The following ADGRG6 variants were observed in gnomAD, a reference collection of about 807,000 sequenced individuals.
ADGRG6 encodes adhesion G protein-coupled receptor G6.
A neutral mutation model predicts 142.4 loss-of-function variants in ADGRG6; 84 were observed. The ratio of observed to expected loss-of-function variants is 0.59; its 90% CI spans 0.49 to 0.71. ADGRG6 has a LOEUF of 0.71. Ranked by LOEUF, ADGRG6 falls within the 30% of genes least tolerant of loss-of-function variation. The probability of loss-of-function intolerance (pLI) is 0.00; values close to 1 mark genes in which losing one functional copy is unlikely to be tolerated. For missense variants in ADGRG6, 1,367 were observed against 1,466.6 expected (o/e 0.93, Z 1.11); for synonymous variants, 521 against 520.5 (o/e 1.00, Z -0.01).
chr6:142,377,839 T>G (rs114932757), intron 4 of ADGRG6, among the ~76,000 whole-genome samples: 1,753 of 152,326 alleles, frequency 0.012, 39 homozygotes, highest in African/African-American at 0.04. Flanking sequence ...TTTATTTTGG[T>G]GTGTTTGTAA....
At chr6:142,313,887 TA>T (rs577653756) in intron 2 of ADGRG6, among the ~76,000 whole-genome samples, 21 of 151,732 alleles carry the variant, frequency 1.4e-4, no homozygotes, top group Non-Finnish European at 2.4e-4. Context: ...GTCCCCTTTT[TA>T]AAAAAAAATT....
chr6:142,315,980 A>C (rs1037250826), intron 2 of ADGRG6, among the ~76,000 whole-genome samples: 7 of 152,116 alleles, frequency 4.6e-5, no homozygotes, highest in African/African-American at 1.7e-4. Flanking sequence ...CCAGTGGGGA[A>C]TATGTGGCCA....
chr6:142,426,431 C>T (rs1048207226), intron 22 of ADGRG6, among the ~76,000 whole-genome samples: 8 of 152,348 alleles, frequency 5.3e-5, no homozygotes, highest in Middle Eastern at 3.4e-3. Context: ...CTGGGTCACA[C>T]TGATGCAAGA....
intron 2 of ADGRG6, among the ~76,000 whole-genome samples, chr6:142,357,824 C>T (rs1440235418): frequency 6.6e-6 from 1 of 152,248 alleles, no homozygotes; most frequent in East Asian, 1.9e-4. Flanking sequence ...TATGTAAAGA[C>T]ATCTAAAAGA....
chr6:142,425,119 A>G (rs143308290), intron 22 of ADGRG6, among the ~76,000 whole-genome samples: 5 of 152,346 alleles, frequency 3.3e-5, no homozygotes, highest in Admixed American at 1.3e-4. Context: ...GGCAAGGACT[A>G]GACCAGAAGG....
chr6:142,347,014 T>G (rs1242301902), intron 2 of ADGRG6, among the ~76,000 whole-genome samples: 1 of 152,086 alleles, frequency 6.6e-6, no homozygotes, highest in African/African-American at 2.4e-5. Context: ...TCCCAGAACT[T>G]TATATGTTTT....
In ADGRG6 at chr6:142,370,579, T is replaced by A. The variant is rs1233309410; in HGVS notation, c.855T>A (p.Ile285=). 2 of 1,612,456 alleles carry A rather than the reference T, an allele frequency of 1.2e-6. No individual in the cohort carries two copies. The highest frequency in any genetic ancestry group is 3.3e-5 in the Admixed American group (2 of 59,984). The change falls in exon 4 of 25, where the codon ATT becomes ATA. Residue 285 remains isoleucine, a synonymous_variant. Coordinates refer to ENST00000367609, the MANE Select transcript of ADGRG6 (RefSeq NM_198569.3). ...GTGATTCTACCATTAGTAAAGTTAT[T>A]CCTGGGAATGGGAAATTGTTGTTGG... is the stretch of plus-strand genomic sequence containing the variant. ...VPCDSTISKV[I]PGNGKLLLGS...
chr6:142,385,996 T>G (rs6937121), intron 6 of ADGRG6, among the ~76,000 whole-genome samples: 69,876 of 152,008 alleles, frequency 0.46, 20,538 homozygotes, highest in African/African-American at 0.84. Context: ...AATTTGTCCA[T>G]TCCTTTTAAC....
At chr6:142,385,600 G>C (rs1411041652) in intron 6 of ADGRG6, among the ~76,000 whole-genome samples, 1 of 152,090 alleles carries the variant, frequency 6.6e-6, no homozygotes, top group African/African-American at 2.4e-5. Flanking sequence ...TTATAACACA[G>C]TTGTAAAAAG....
rs571688891 is a variant in ADGRG6 at position 142,341,414 on chromosome 6, A to T, written c.104-26155A>T. Reference sequence around the variant, plus strand: ...TATTATATTATATAATATATTATATAATATAATTATATAATATATATAATT... The same window carrying T: ...TATTATATTATATAATATATTATATTATATAATTATATAATATATATAATT... On this transcript the variant is annotated intron_variant, in intron 2 of 24. Coordinates refer to ENST00000367609, the MANE Select transcript of ADGRG6 (RefSeq NM_198569.3). Among the ~76,000 whole-genome samples the T allele has an allele frequency of 4.1e-5, 5 of 122,466 alleles. No homozygotes were observed. The South Asian group carries it at 8.9e-4, about 22-fold the overall frequency. The allele number at this position is 122,466 out of a possible 152,430, so 80.3% of individuals were successfully genotyped here.
At chr6:142,344,201 T>C (rs1472032016) in intron 2 of ADGRG6, among the ~76,000 whole-genome samples, 1 of 151,960 alleles carries the variant, frequency 6.6e-6, no homozygotes, top group Admixed American at 6.6e-5. Context: ...TTCCAAAGTA[T>C]TAGTGATAAG....
At chr6:142,329,089 T>C (rs1335765578) in intron 2 of ADGRG6, among the ~76,000 whole-genome samples, 1 of 152,174 alleles carries the variant, frequency 6.6e-6, no homozygotes, top group Non-Finnish European at 1.5e-5. Context: ...CTCTGTGAAA[T>C]GCAGTCATGG....
At chr6:142,394,197 A>G (rs1016682074) in intron 9 of ADGRG6, among the ~76,000 whole-genome samples, 1 of 152,168 alleles carries the variant, frequency 6.6e-6, no homozygotes, top group Non-Finnish European at 1.5e-5. Flanking sequence ...AAATGGATGG[A>G]TTATTATTTT....
intron 22 of ADGRG6, 47 bp downstream of exon 22, chr6:142,420,151 T>A: frequency 6.8e-7 from 1 of 1,471,592 alleles, no homozygotes; most frequent in Non-Finnish European, 9.4e-7. Flanking sequence ...AATTTTGTCA[T>A]ATTTGCAAGC....
At chr6:142,306,265 C>G (rs1274152060) in intron 1 of ADGRG6, among the ~76,000 whole-genome samples, 1 of 152,090 alleles carries the variant, frequency 6.6e-6, no homozygotes, top group Non-Finnish European at 1.5e-5. Flanking sequence ...TTTCGGTGAT[C>G]CATTTGGATA....
At chr6:142,386,443 CATT>C (rs1351698181) in intron 6 of ADGRG6, among the ~76,000 whole-genome samples, 2 of 152,104 alleles carry the variant, frequency 1.3e-5, no homozygotes, top group African/African-American at 2.4e-5. Context: ...ATTTAAGAAA[CATT>C]AGTGAAAACA....
At position 142,383,752 on chromosome 6, in the gene ADGRG6, A is replaced by G. The variant is rs1781885786; in HGVS notation, c.1139-8A>G. On this transcript the variant is annotated splice_region_variant and splice_polypyrimidine_tract_variant and intron_variant, in intron 5 of 24. Transcript: ENST00000367609. The stretch of plus-strand genomic sequence containing the variant: ...GCAAAATTACATCTTTCTCATCTTT[A>G]TTACCAGCTACTGTAAACTCTCCTA... The G allele has an allele frequency of 7.1e-7, 1 of 1,415,034 alleles. No homozygotes were observed. Among genetic ancestry groups the G allele is most frequent in the South Asian group, 1.2e-5 (1 of 85,058 alleles). 87.7% of individuals were successfully genotyped at this position (1,415,034 alleles called of 1,614,324 possible).
rs955306589 is a variant in ADGRG6, at chr6:142,417,121, G to A, written c.2939-152G>A. 4.7e-5 allele frequency: 32 copies of A among 687,188 alleles called. No individual in the cohort carries two copies. In the African/African-American group the frequency reaches 5.7e-4, roughly 12 times the overall value. 42.6% of individuals were successfully genotyped at this position (687,188 alleles called of 1,614,324 possible). A position where few individuals can be genotyped will look rare whatever the true frequency, so the allele number is the denominator to read the frequency against. On this transcript the variant is annotated intron_variant, in intron 20 of 24. Transcript: ENST00000367609. ...AGGGGATTTTGTTGTTAACCAAGTT[G>A]CCATTTCTAAGAAGTTTGAATCTGG...
chr6:142,394,494 A>AAAAC (rs200981505), intron 9 of ADGRG6, among the ~76,000 whole-genome samples: 1,799 of 152,170 alleles, frequency 0.012, 36 homozygotes, highest in African/African-American at 0.04. Context: ...AGAGTACTGT[A>AAAAC]AAACAAACAA....
Sources: gnomAD v4.1 joint callset for allele counts (sites outside exome capture counted in the v4.1 genomes callset) on GRCh38, gnomAD v4.1.1 for gene constraint, MANE v1.5 for transcripts, NCBI Gene and HGNC (gene_info 2026-07-23, HGNC 2026-07-21) for gene names.